CHCHD6: variants seen among roughly 807,000 people sequenced by gnomAD.
The protein encoded by CHCHD6 is MICOS complex subunit MIC25.
A neutral mutation model predicts 32.3 loss-of-function variants in CHCHD6; 28 were observed. The observed-to-expected ratio is 0.87, with a 90% confidence interval of 0.64 to 1.19. CHCHD6 has a LOEUF of 1.19. Among genes scored for constraint, CHCHD6 ranks in the 50% most tolerant of loss-of-function variants. The probability of loss-of-function intolerance (pLI) is 0.00; values close to 1 mark genes in which losing one functional copy is unlikely to be tolerated. For synonymous variants in CHCHD6, 122 were observed against 117.5 expected (o/e 1.04, Z -0.25); for missense variants, 333 against 307.0 (o/e 1.08, Z -0.63).
chr3:126,802,408 G>T (rs539928388), intron 4 of CHCHD6, among the ~76,000 whole-genome samples: 1 of 152,208 alleles, frequency 6.6e-6, no homozygotes, highest in Non-Finnish European at 1.5e-5. Flanking sequence ...TGAGAACTAC[G>T]TGAAGAATGC....
At chr3:126,953,750 A>G (rs1031584837) in intron 6 of CHCHD6, among the ~76,000 whole-genome samples, 2 of 152,204 alleles carry the variant, frequency 1.3e-5, no homozygotes, top group African/African-American at 2.4e-5. Context: ...TCGAAGCCAC[A>G]TGGACCATTA....
At chr3:126,720,432 A>AT (rs1935229247) in intron 1 of CHCHD6, among the ~76,000 whole-genome samples, 2 of 152,066 alleles carry the variant, frequency 1.3e-5, no homozygotes, top group African/African-American at 2.4e-5. Flanking sequence ...CCACTCTGAA[A>AT]TGGGGGGTGC....
intron 4 of CHCHD6, among the ~76,000 whole-genome samples, chr3:126,785,914 G>T (rs1040698761): frequency 2.6e-5 from 4 of 152,128 alleles, no homozygotes; most frequent in African/African-American, 9.7e-5. Context: ...TGCCATGTTG[G>T]TGTGCTGCAC....
intron 5 of CHCHD6, among the ~76,000 whole-genome samples, chr3:126,899,153 A>T (rs879715137): frequency 6.6e-6 from 1 of 152,330 alleles, no homozygotes; most frequent in Non-Finnish European, 1.5e-5. Context: ...GAGGGATGTG[A>T]TAACACTGTT....
At chr3:126,727,901 T>G (rs1474047112) in intron 2 of CHCHD6, among the ~76,000 whole-genome samples, 3 of 151,902 alleles carry the variant, frequency 2.0e-5, no homozygotes, top group African/African-American at 7.3e-5. Context: ...AATAAAAAAG[T>G]CCTTGGAGCA....
intron 5 of CHCHD6, among the ~76,000 whole-genome samples, chr3:126,893,827 G>C (rs2077800061): frequency 6.6e-6 from 1 of 152,244 alleles, no homozygotes; most frequent in African/African-American, 2.4e-5. Flanking sequence ...CTCAAAAACA[G>C]GTGCCTGAAA....
intron 4 of CHCHD6, among the ~76,000 whole-genome samples, chr3:126,836,887 G>T (rs942228041): frequency 6.6e-6 from 1 of 152,188 alleles, no homozygotes; most frequent in South Asian, 2.1e-4. Context: ...TGGACGCCAG[G>T]AGCAAGTGCG....
At chr3:126,942,906 C>G (rs1297174046) in intron 6 of CHCHD6, among the ~76,000 whole-genome samples, 5 of 152,182 alleles carry the variant, frequency 3.3e-5, no homozygotes, top group Non-Finnish European at 7.3e-5. Flanking sequence ...GGACTGCCAT[C>G]TGTGTGTGGG....
intron 5 of CHCHD6, among the ~76,000 whole-genome samples, chr3:126,896,383 T>G (rs2077839545): frequency 6.6e-6 from 1 of 152,168 alleles, no homozygotes; most frequent in African/African-American, 2.4e-5. Context: ...AAGATGTACA[T>G]AGCCCAGAAC....
At chr3:126,757,473 C>T (rs1937005902) in intron 4 of CHCHD6, among the ~76,000 whole-genome samples, 2 of 152,062 alleles carry the variant, frequency 1.3e-5, no homozygotes, top group Admixed American at 1.3e-4. Flanking sequence ...AAGTAAAGGG[C>T]TTTGTTTATG....
At chr3:126,732,133 C>CT (rs1559810367) in intron 3 of CHCHD6, among the ~76,000 whole-genome samples, 1 of 149,436 alleles carries the variant, frequency 6.7e-6, no homozygotes, top group East Asian at 2.0e-4. Context: ...CTGAACCCTG[C>CT]TTTTTTGGTA....
intron 4 of CHCHD6, among the ~76,000 whole-genome samples, chr3:126,744,705 C>T (rs562415565): frequency 3.9e-4 from 59 of 152,064 alleles, no homozygotes; most frequent in African/African-American, 1.1e-3. Context: ...TTTTTCTCCC[C>T]GAGACAGAGT....
chr3:126,947,741 C>T (rs926746406), intron 6 of CHCHD6, among the ~76,000 whole-genome samples: 2 of 152,184 alleles, frequency 1.3e-5, no homozygotes, highest in East Asian at 3.9e-4. Flanking sequence ...ATTTTCTGCC[C>T]GTGCTGTTGA....
At chr3:126,873,476 G>T (rs977114126) in intron 5 of CHCHD6, among the ~76,000 whole-genome samples, 1 of 152,204 alleles carries the variant, frequency 6.6e-6, no homozygotes, top group African/African-American at 2.4e-5. Flanking sequence ...TACTCCAAGT[G>T]CATGAGTTTC....
intron 6 of CHCHD6, among the ~76,000 whole-genome samples, chr3:126,941,615 C>T (rs4679308): frequency 0.63 from 96,334 of 152,016 alleles, 31,647 homozygotes; most frequent in East Asian, 0.82. Context: ...ATTGCCGTCA[C>T]TGTTGGTCTA....
At chr3:126,755,198 T>C (rs904975892) in intron 4 of CHCHD6, among the ~76,000 whole-genome samples, 3 of 152,206 alleles carry the variant, frequency 2.0e-5, no homozygotes, top group Non-Finnish European at 4.4e-5. Context: ...GGACCTGTCC[T>C]GGATGGCAGG....
intron 4 of CHCHD6, 23 bp downstream of exon 4, chr3:126,733,245 C>G: frequency 1.2e-6 from 2 of 1,606,740 alleles, no homozygotes; most frequent in Non-Finnish European, 1.7e-6. Context: ...TTTCCCTGAT[C>G]TGGCCTTCTG....
rs913289238 is a variant in CHCHD6, at chr3:126,727,776, C to T, written c.196+590C>T. ...CTGATTTGTTCCCTACTGTATTGTG[C>T]GTGTTGCAAATGAAGAAATTTGTGC... On this transcript the variant is annotated intron_variant, in intron 2 of 7. Coordinates refer to ENST00000290913, the MANE Select transcript of CHCHD6 (RefSeq NM_032343.3). Among the ~76,000 whole-genome samples the T allele has an allele frequency of 8.5e-5, 13 of 152,068 alleles. 1 individual carries two copies. Among genetic ancestry groups the T allele is most frequent in the South Asian group, 4.2e-4 (2 of 4,818 alleles).
intron 6 of CHCHD6, among the ~76,000 whole-genome samples, chr3:126,954,559 C>T (rs1327445159): frequency 1.3e-5 from 2 of 152,242 alleles, no homozygotes; most frequent in Non-Finnish European, 2.9e-5. Flanking sequence ...CAGTAAGCCT[C>T]ACAGAGTTAC....
Sources: allele counts gnomAD v4.1 joint callset (sites outside exome capture counted in the v4.1 genomes callset), GRCh38; gene constraint gnomAD v4.1.1; transcripts MANE v1.5; gene names NCBI Gene and HGNC (gene_info 2026-07-23, HGNC 2026-07-21).